The following ST6GALNAC3 variants were observed in gnomAD, a reference collection of about 807,000 sequenced individuals.
The protein encoded by ST6GALNAC3 is alpha-N-acetylgalactosaminide alpha-2,6-sialyltransferase 3.
ST6GALNAC3 carries 25 observed loss-of-function variants against 32.7 expected under a neutral mutation model. The ratio of observed to expected loss-of-function variants is 0.76; its 90% CI spans 0.56 to 1.07. ST6GALNAC3 has a LOEUF of 1.07. Ranked by LOEUF, ST6GALNAC3 falls within the 50% of genes least tolerant of loss-of-function variation. The pLI, the probability that ST6GALNAC3 is intolerant of heterozygous loss-of-function variation, is 0.00. For missense variants in ST6GALNAC3, 355 were observed against 382.4 expected (o/e 0.93, Z 0.60); for synonymous variants, 129 against 133.1 (o/e 0.97, Z 0.21).
At chr1:76,397,742 C>T (rs373716153) in intron 2 of ST6GALNAC3, among the ~76,000 whole-genome samples, 4 of 152,038 alleles carry the variant, frequency 2.6e-5, no homozygotes, top group African/African-American at 9.7e-5. Context: ...TTTGCATTTT[C>T]GTTGCTATTG....
chr1:76,249,618 C>A (rs530986686), intron 1 of ST6GALNAC3, among the ~76,000 whole-genome samples: 1 of 151,922 alleles, frequency 6.6e-6, no homozygotes, highest in East Asian at 1.9e-4. Context: ...GTCTTTAATT[C>A]TCTTGGGTAT....
At chr1:76,432,046 GC>G (rs972820016) in intron 3 of ST6GALNAC3, among the ~76,000 whole-genome samples, 3 of 151,878 alleles carry the variant, frequency 2.0e-5, no homozygotes, top group Non-Finnish European at 4.4e-5. Flanking sequence ...TAATTGTTTT[GC>G]CTTTTCTAGA....
chr1:76,160,895 T>G (rs1557663459), intron 1 of ST6GALNAC3, among the ~76,000 whole-genome samples: 2 of 34,826 alleles, frequency 5.7e-5, no homozygotes, highest in East Asian at 0.012. Context: ...TTCAAATATC[T>G]TCTTCTCTAC....
At chr1:76,617,543 A>T (rs982836877) in intron 3 of ST6GALNAC3, among the ~76,000 whole-genome samples, 1 of 152,220 alleles carries the variant, frequency 6.6e-6, no homozygotes, top group Admixed American at 6.5e-5. Flanking sequence ...CAGAAAGGGC[A>T]TGATTTTAAG....
intron 3 of ST6GALNAC3, among the ~76,000 whole-genome samples, chr1:76,590,617 A>G (rs1399264051): frequency 2.6e-5 from 4 of 152,236 alleles, no homozygotes; most frequent in African/African-American, 9.6e-5. Context: ...TTAAACCCAT[A>G]TTTAAAATTA....
chr1:76,300,643 T>C (rs1377410628), intron 1 of ST6GALNAC3, among the ~76,000 whole-genome samples: 1 of 151,980 alleles, frequency 6.6e-6, no homozygotes, highest in Non-Finnish European at 1.5e-5. Context: ...TGCAACATTA[T>C]GTTGAGAGGA....
rs1397983165 is a variant in ST6GALNAC3 at position 76,619,468 on chromosome 1, A to C, written c.624-7984A>C. ...CTAGGTGCATCCTTTATCATCATAC[A>C]TTTTTAATTGTTTTATTCTTAGTCA... On this transcript the variant is annotated intron_variant, in intron 3 of 4. Transcript: ENST00000328299. Among the ~76,000 whole-genome samples, 3 of 152,076 alleles carry C rather than the reference A, an allele frequency of 2.0e-5. No individual in the cohort carries two copies. The East Asian group carries it at 5.8e-4, about 29-fold the overall frequency.
At chr1:76,604,305 C>G (rs949547765) in intron 3 of ST6GALNAC3, among the ~76,000 whole-genome samples, 4 of 152,194 alleles carry the variant, frequency 2.6e-5, no homozygotes, top group Non-Finnish European at 5.9e-5. Context: ...ATGCAAGATA[C>G]TATACCCCCT....
chr1:76,167,205 T>C (rs1178635108), intron 1 of ST6GALNAC3, among the ~76,000 whole-genome samples: 1 of 152,214 alleles, frequency 6.6e-6, no homozygotes, highest in Non-Finnish European at 1.5e-5. Context: ...GTTTTTAACA[T>C]GAAGGGATGT....
intron 1 of ST6GALNAC3, among the ~76,000 whole-genome samples, chr1:76,134,699 T>C (rs1294591265): frequency 6.6e-6 from 1 of 152,184 alleles, no homozygotes; most frequent in African/African-American, 2.4e-5. Context: ...AACTCCTGCA[T>C]GGGTAGTGTT....
intron 3 of ST6GALNAC3, among the ~76,000 whole-genome samples, chr1:76,467,522 G>A (rs61584468): frequency 0.039 from 5,958 of 151,936 alleles, 389 homozygotes; most frequent in African/African-American, 0.13. Flanking sequence ...TATTAAGTAG[G>A]CATTGAGAGT....
intron 3 of ST6GALNAC3, among the ~76,000 whole-genome samples, chr1:76,545,273 T>C (rs1570203391): frequency 6.6e-6 from 1 of 152,220 alleles, no homozygotes; most frequent in African/African-American, 2.4e-5. Context: ...AAAATCTGTG[T>C]CTATGCATTT....
chr1:76,089,343 A>G lies in ST6GALNAC3; in HGVS notation c.18+14459A>G, dbSNP rs576555290. On this transcript the variant is annotated intron_variant, in intron 1 of 4. Coordinates refer to ENST00000328299, the MANE Select transcript of ST6GALNAC3 (RefSeq NM_152996.4). ...TGGGATTACAGGCATAAGCCACCGC[A>G]CCCGGCCACACTGAAGGATTTTTAA... 1.6e-3 allele frequency among the ~76,000 whole-genome samples: 246 copies of G among 152,220 alleles called. 4 individuals are homozygous for G. The highest frequency in any genetic ancestry group is 1.9e-3 in the Admixed American group (29 of 15,284).
intron 1 of ST6GALNAC3, among the ~76,000 whole-genome samples, chr1:76,288,774 T>C (rs553931172): frequency 4.4e-4 from 67 of 152,266 alleles, no homozygotes; most frequent in Middle Eastern, 3.4e-3. Flanking sequence ...ACTCTGTGAA[T>C]GTAAAACACA....
intron 1 of ST6GALNAC3, among the ~76,000 whole-genome samples, chr1:76,234,753 A>G (rs945049378): frequency 1.3e-5 from 2 of 152,210 alleles, no homozygotes; most frequent in Non-Finnish European, 2.9e-5. Flanking sequence ...AGTCAATCTC[A>G]GCTTTCTAAA....
chr1:76,528,109 TC>T (rs1354349235), intron 3 of ST6GALNAC3, among the ~76,000 whole-genome samples: 6 of 152,146 alleles, frequency 3.9e-5, no homozygotes, highest in African/African-American at 1.4e-4. Context: ...TATCTAGAAT[TC>T]TTAAGTTTAT....
chr1:76,627,551 C>A lies in ST6GALNAC3; in HGVS notation c.723C>A (p.Thr241=), dbSNP rs767948772. 6.2e-7 allele frequency: 1 copy of A among 1,609,738 alleles called. No individual in the cohort carries two copies. Among genetic ancestry groups the A allele is most frequent in the Non-Finnish European group, 8.5e-7 (1 of 1,176,492 alleles). The change falls in exon 4 of 5, where the codon ACC becomes ACA. Residue 241 remains threonine (T), a synonymous_variant. Coordinates refer to ENST00000328299, the MANE Select transcript of ST6GALNAC3 (RefSeq NM_152996.4). ...ACGTCTACGGGATGATAAATGACACCTACTGCAAGTAAGATCACAAGAAAT... is the reference window on the plus strand; with the variant it reads ...ACGTCTACGGGATGATAAATGACACATACTGCAAGTAAGATCACAAGAAAT... The part of the protein sequence containing the change: ...GIHVYGMIND[T]YCKTEGYRKV...
intron 1 of ST6GALNAC3, among the ~76,000 whole-genome samples, chr1:76,160,584 T>C (rs1281375236): frequency 6.6e-6 from 1 of 152,156 alleles, no homozygotes; most frequent in African/African-American, 2.4e-5. Context: ...CCCATCTTAC[T>C]CTCTAACGGT....
chr1:76,619,386 A>T (rs953901818), intron 3 of ST6GALNAC3, among the ~76,000 whole-genome samples: 4 of 152,132 alleles, frequency 2.6e-5, no homozygotes, highest in Non-Finnish European at 5.9e-5. Flanking sequence ...TGGTAAGTGG[A>T]GATTAGATGA....
Sources: gnomAD v4.1 joint callset for allele counts (sites outside exome capture counted in the v4.1 genomes callset) on GRCh38, gnomAD v4.1.1 for gene constraint, MANE v1.5 for transcripts, NCBI Gene and HGNC (gene_info 2026-07-23, HGNC 2026-07-21) for gene names.